Variants in SCHIP1 observed in about 807,000 individuals in gnomAD.
The protein encoded by SCHIP1 is schwannomin-interacting protein 1.
SCHIP1 carries 8 observed loss-of-function variants against 29.7 expected under a neutral mutation model. The observed-to-expected ratio is 0.27, with a 90% CI of 0.16 to 0.49. SCHIP1 has a LOEUF of 0.49. Ranked by LOEUF, SCHIP1 falls within the 20% of genes least tolerant of loss-of-function variation. SCHIP1 has a pLI of 0.99. For synonymous variants in SCHIP1, 76 were observed against 94.9 expected, an observed-to-expected ratio of 0.80 and a Z score of 1.16; for missense variants, 193 against 294.6, an observed-to-expected ratio of 0.66 and a Z score of 2.52.
At chr3:159,288,055 A>G in the SCHIP1 span, among the ~76,000 whole-genome samples, 1 of 152,168 alleles carries the variant, frequency 6.6e-6, no homozygotes, top group East Asian at 1.9e-4. Flanking sequence ...GAGGTGGCAT[A>G]TGGTGTCCGA....
chr3:159,742,330 A>G, the SCHIP1 span, among the ~76,000 whole-genome samples: 13 of 152,212 alleles, frequency 8.5e-5, no homozygotes, highest in African/African-American at 2.9e-4. Context: ...ACTGCCCCCA[A>G]AAGTGTGGAA....
At chr3:159,487,114 G>C in the SCHIP1 span, among the ~76,000 whole-genome samples, 2 of 35,440 alleles carry the variant, frequency 5.6e-5, no homozygotes, top group African/African-American at 2.6e-4. Context: ...TAAGATTCTA[G>C]CAATTCTAAG....
chr3:159,313,980 A>T, the SCHIP1 span, among the ~76,000 whole-genome samples: 1 of 152,212 alleles, frequency 6.6e-6, no homozygotes, highest in Non-Finnish European at 1.5e-5. Flanking sequence ...GCTGTGTCAT[A>T]TAAGGAGCCA....
the SCHIP1 span, among the ~76,000 whole-genome samples, chr3:159,496,782 G>T: frequency 6.6e-6 from 1 of 151,962 alleles, no homozygotes. Flanking sequence ...TATAAATCAT[G>T]CTGCTATAAA....
the SCHIP1 span, among the ~76,000 whole-genome samples, chr3:159,798,572 A>G: frequency 6.6e-6 from 1 of 152,106 alleles, no homozygotes; most frequent in African/African-American, 2.4e-5. Flanking sequence ...AGCCTGGCCA[A>G]CATGGTGAAA....
At chr3:159,858,207 G>A (rs772565553) in intron 1 of SCHIP1, among the ~76,000 whole-genome samples, 43 of 152,182 alleles carry the variant, frequency 2.8e-4, no homozygotes, top group Non-Finnish European at 4.9e-4. Flanking sequence ...TATTCTCTGG[G>A]AGGCAATCAT....
chr3:159,460,327 G>A, the SCHIP1 span, among the ~76,000 whole-genome samples: 1 of 152,158 alleles, frequency 6.6e-6, no homozygotes, highest in Admixed American at 6.5e-5. Context: ...ACCGAATAAG[G>A]TGAGGTCCCC....
chr3:159,535,600 GC>G, the SCHIP1 span, among the ~76,000 whole-genome samples: 5 of 152,300 alleles, frequency 3.3e-5, no homozygotes, highest in Admixed American at 6.5e-5. Flanking sequence ...GTTAGCTTTG[GC>G]CTTCTCAGGG....
rs766108341 is a variant in SCHIP1, at chr3:159,887,903, C to G, written c.463C>G (p.Leu155Val). The stretch of plus-strand genomic sequence containing the variant: ...CAGGAAAAAGTCTCCCGTCGCTGAT[C>G]TTGTAAGCAGCAAAGGCTGAAATGC... The change falls in exon 4 of 7, where the codon CTT becomes GTT. Residue 155 changes from leucine (L) to valine (V), a missense_variant and splice_region_variant. By Grantham distance (32) the Leu-to-Val change is conservative. Coordinates refer to ENST00000445224, the Ensembl canonical transcript of SCHIP1. 15 of 1,613,826 alleles carry G rather than the reference C, an allele frequency of 9.3e-6. No individual in the cohort carries two copies. In the Admixed American group the frequency reaches 2.3e-4, roughly 25 times the overall value.
At chr3:159,641,153 G>C in the SCHIP1 span, among the ~76,000 whole-genome samples, 1 of 152,106 alleles carries the variant, frequency 6.6e-6, no homozygotes, top group Non-Finnish European at 1.5e-5. Context: ...CCATTCAATA[G>C]GTGTTGAATC....
chr3:159,566,933 T>G, the SCHIP1 span, among the ~76,000 whole-genome samples: 2 of 152,252 alleles, frequency 1.3e-5, no homozygotes, highest in African/African-American at 4.8e-5. Context: ...GTGTACATTT[T>G]CACACTTTTA....
At chr3:159,832,485 C>G in the SCHIP1 span, among the ~76,000 whole-genome samples, 7 of 152,050 alleles carry the variant, frequency 4.6e-5, no homozygotes, top group Non-Finnish European at 8.8e-5. Context: ...GCCTAATGCT[C>G]TGATTTATTA....
At chr3:159,824,397 T>C in the SCHIP1 span, among the ~76,000 whole-genome samples, 1 of 152,220 alleles carries the variant, frequency 6.6e-6, no homozygotes, top group Non-Finnish European at 1.5e-5. Context: ...CAGGCATGCA[T>C]ACCAGACTGG....
At position 159,892,083 on chromosome 3, in the gene SCHIP1, G is replaced by GTTA. The variant is rs1224252118; in HGVS notation, c.590-11_590-9dup. On this transcript the variant is annotated splice_polypyrimidine_tract_variant and intron_variant, in intron 5 of 6. Coordinates refer to ENST00000445224, the Ensembl canonical transcript of SCHIP1. ...AGTTTTATCTGTTTTTAAATGTTCTGTTATTTGCCACAGGCTTGAATGAAG... is the reference window on the plus strand; with the variant it reads ...AGTTTTATCTGTTTTTAAATGTTCTGTTATTATTTGCCACAGGCTTGAATGAAG... 1.9e-6 allele frequency: 3 copies of GTTA among 1,609,088 alleles called. No homozygotes were observed. The highest frequency in any genetic ancestry group is 2.5e-6 in the Non-Finnish European group (3 of 1,178,544).
the SCHIP1 span, among the ~76,000 whole-genome samples, chr3:159,491,238 G>T: frequency 6.6e-6 from 1 of 152,198 alleles, no homozygotes; most frequent in Non-Finnish European, 1.5e-5. Context: ...ATCTCACTGG[G>T]GAGTGCTGGA....
chr3:159,631,169 A>C, the SCHIP1 span, among the ~76,000 whole-genome samples: 1 of 152,072 alleles, frequency 6.6e-6, no homozygotes, highest in East Asian at 1.9e-4. Context: ...TAAAACTTAA[A>C]AAAAAAAACC....
chr3:159,602,087 G>A, the SCHIP1 span, among the ~76,000 whole-genome samples: 1 of 152,172 alleles, frequency 6.6e-6, no homozygotes, highest in South Asian at 2.1e-4. Context: ...TGTGGATAGA[G>A]GAGCTCTCCC....
the SCHIP1 span, among the ~76,000 whole-genome samples, chr3:159,700,737 C>T: frequency 1.3e-5 from 2 of 151,494 alleles, no homozygotes; most frequent in Admixed American, 6.6e-5. Flanking sequence ...TGCTTGAACC[C>T]AGGAGGCAGA....
At chr3:159,674,015 G>A in the SCHIP1 span, among the ~76,000 whole-genome samples, 2 of 152,094 alleles carry the variant, frequency 1.3e-5, no homozygotes, top group Non-Finnish European at 2.9e-5. Flanking sequence ...TTTCCATGGA[G>A]CTTATCTAAC....
Sources: gnomAD v4.1 joint callset for allele counts (sites outside exome capture counted in the v4.1 genomes callset) on GRCh38, gnomAD v4.1.1 for gene constraint, MANE v1.5 for transcripts, NCBI Gene and HGNC (gene_info 2026-07-23, HGNC 2026-07-21) for gene names.